The following CCDC144A variants were observed in gnomAD, a reference collection of about 807,000 sequenced individuals.
CCDC144A encodes coiled-coil domain containing 144A.
Under a neutral mutation model 143.8 loss-of-function variants are expected in CCDC144A, and 41 were observed. That is an observed-to-expected ratio of 0.29 (90% CI 0.22 to 0.37). The LOEUF (loss-of-function observed/expected upper bound fraction) is 0.37. Among genes scored for constraint, CCDC144A ranks in the 10% least tolerant of loss-of-function variants. The pLI is 1.00. For missense variants in CCDC144A, 637 were observed against 1,488.8 expected (o/e 0.43, Z 9.41); for synonymous variants, 242 against 517.9 (o/e 0.47, Z 7.23).
At position 16,717,353 on chromosome 17, in the gene CCDC144A, G is replaced by A. The variant is rs190478179; in HGVS notation, c.1716-2845G>A. Among the ~76,000 whole-genome samples the A allele has an allele frequency of 7.8e-4, 119 of 151,808 alleles. 1 individual carries two copies. The South Asian group carries it at 1.0e-2, about 13-fold the overall frequency. ...TCTCGATCTATTGACCTCATGATCC[G>A]CCCGCCTCAGCCTCCCAAAGTGCTG... On this transcript the variant is annotated intron_variant, in intron 6 of 16. Transcript: ENST00000399273.
chr17:16,702,940 T>G (rs897571483), intron 2 of CCDC144A, among the ~76,000 whole-genome samples: 1 of 152,108 alleles, frequency 6.6e-6, no homozygotes. Context: ...TATTTCATCA[T>G]AGTGTGGCTA....
chr17:16,760,040 G>C (rs1227449919), intron 12 of CCDC144A, among the ~76,000 whole-genome samples: 1 of 152,308 alleles, frequency 6.6e-6, no homozygotes. Flanking sequence ...AAGTCAGCTC[G>C]AACACCTACC....
At position 16,701,757 on chromosome 17, in the gene CCDC144A, G is replaced by A. The variant is rs147069069; in HGVS notation, c.416-3394G>A. On this transcript the variant is annotated intron_variant, in intron 2 of 16. Transcript: ENST00000399273. ...ATATGATTTGACGTGCTGAGAAAGCGTGATCTCTGTAGACGTTTGCCACGT... is the reference window on the plus strand; with the variant it reads ...ATATGATTTGACGTGCTGAGAAAGCATGATCTCTGTAGACGTTTGCCACGT... Among the ~76,000 whole-genome samples the A allele has an allele frequency of 3.3e-3, 495 of 151,952 alleles. 5 individuals carry two copies. The highest frequency in any genetic ancestry group is 0.011 in the African/African-American group (459 of 41,512).
Position 16,711,802 on chromosome 17 carries a change from G to A in CCDC144A, c.1702G>A (p.Gly568Arg). 4 of 1,589,140 alleles carry A rather than the reference G, an allele frequency of 2.5e-6. No homozygotes were observed. The highest frequency in any genetic ancestry group is 3.4e-6 in the Non-Finnish European group (4 of 1,167,654). ...TCAGCAGATTCCTAGGAAGGAAAAT[G>A]GAGAGCATGACAGGTAAGCCTATAG... ...LNQQIPRKEN[G>R]EHDRPADKTS... Residue 568 changes from glycine (G) to arginine (R), a missense_variant, in exon 6 of 17, where the codon GGA (glycine) becomes AGA (arginine). By Grantham distance (125) the Gly-to-Arg change is moderately radical (BLOSUM62 -2). Transcript: ENST00000399273.
At position 16,692,401 on chromosome 17, in the gene CCDC144A, A is replaced by AT. The variant is rs535769617; in HGVS notation, c.345-576dup. On this transcript the variant is annotated intron_variant, in intron 1 of 16. Transcript: ENST00000399273. ...CTATGAACTAGCTGTGATGCCCCAA[A>AT]TTATAAGCCACAAAGAATAGAACTA... 3.4e-4 allele frequency among the ~76,000 whole-genome samples: 48 copies of AT among 141,526 alleles called. No homozygotes were observed. In the East Asian group the frequency reaches 9.4e-3, roughly 28 times the overall value. 92.8% of individuals were successfully genotyped at this position (141,526 alleles called of 152,430 possible).
intron 2 of CCDC144A, among the ~76,000 whole-genome samples, chr17:16,698,919 G>C (rs1911566349): frequency 6.6e-6 from 1 of 152,228 alleles, no homozygotes; most frequent in Non-Finnish European, 1.5e-5. Flanking sequence ...GCAGTTCTCA[G>C]TACTTGGGGT....
chr17:16,734,619 T>C, intron 11 of CCDC144A, 71 bp from the exon 12 acceptor site: 1 of 1,408,404 alleles, frequency 7.1e-7, no homozygotes, highest in Non-Finnish European at 9.4e-7. Context: ...TTGTATACAT[T>C]ATTTAATTTC....
intron 1 of CCDC144A, 150 bp downstream of exon 1, chr17:16,690,894 C>A: frequency 1.5e-6 from 1 of 655,706 alleles, no homozygotes; most frequent in South Asian, 2.2e-5. Flanking sequence ...AGGATTATTA[C>A]TATTGCAAAA....
intron 2 of CCDC144A, among the ~76,000 whole-genome samples, chr17:16,698,247 A>G (rs1911532123): frequency 6.6e-6 from 1 of 152,222 alleles, no homozygotes; most frequent in Non-Finnish European, 1.5e-5. Flanking sequence ...GCTAAAGAAA[A>G]AGAGGAGAGG....
chr17:16,739,145 A>G (rs1172392208), intron 12 of CCDC144A, among the ~76,000 whole-genome samples: 1 of 137,360 alleles, frequency 7.3e-6, no homozygotes, highest in African/African-American at 2.9e-5. Flanking sequence ...GGGTTGTCCT[A>G]AATTTCTGAA....
chr17:16,669,917 C>T, the CCDC144A span, among the ~76,000 whole-genome samples: 8 of 152,206 alleles, frequency 5.3e-5, no homozygotes, highest in Admixed American at 2.0e-4. Flanking sequence ...AGGCCAGGCC[C>T]GGTGGCTATA....
At chr17:16,687,459 T>G (rs145206573), upstream of CCDC144A, among the ~76,000 whole-genome samples, 1 of 152,156 alleles carries the variant, frequency 6.6e-6, no homozygotes, top group Non-Finnish European at 1.5e-5. Context: ...CATTCATTTG[T>G]TTTTTTACAG....
At position 16,777,692 on chromosome 17, in the gene CCDC144A, A is replaced by C. The variant is rs2143434046; in HGVS notation, c.*4059A>C. 7.3e-6 allele frequency: 1 copy of C among 137,730 alleles called. No individual in the cohort carries two copies. Among genetic ancestry groups the C allele is most frequent in the East Asian group, 2.2e-4 (1 of 4,620 alleles). 8.5% of individuals were successfully genotyped at this position (137,730 alleles called of 1,614,324 possible). A position where few individuals can be genotyped will look rare whatever the true frequency, so the allele number is the denominator to read the frequency against. On this transcript the variant is annotated 3_prime_UTR_variant, in exon 17 of 17. Transcript: ENST00000399273. Reference sequence around the variant, plus strand: ...ATAATAGTGACACAACCTATCAAAAACTCTGGGATACAGCAAAAGTGGAGC... The same window carrying C: ...ATAATAGTGACACAACCTATCAAAACCTCTGGGATACAGCAAAAGTGGAGC...
the CCDC144A span, among the ~76,000 whole-genome samples, chr17:16,676,452 A>G: frequency 2.0e-5 from 3 of 150,502 alleles, no homozygotes; most frequent in African/African-American, 7.3e-5. Flanking sequence ...CAGAGCTTGC[A>G]GTGGGCAGAG....
At chr17:16,684,791 C>T (rs1597517270), upstream of CCDC144A, among the ~76,000 whole-genome samples, 1 of 152,156 alleles carries the variant, frequency 6.6e-6, no homozygotes, top group East Asian at 1.9e-4. Flanking sequence ...TGGTGAGACT[C>T]TGTTTCTAGA....
the CCDC144A span, among the ~76,000 whole-genome samples, chr17:16,679,851 T>G: frequency 1.3e-5 from 2 of 152,016 alleles, no homozygotes; most frequent in African/African-American, 4.8e-5. Context: ...GCATTATTTT[T>G]CTTAAATTAT....
rs528599768 is a variant in CCDC144A at position 16,753,511 on chromosome 17, T to A, written c.3373-7914T>A. ...AACTTTATTCTGAGCCATTTTATTATTTTGTAGCTAGAATAGTGGGACGGC... is the reference window on the plus strand; with the variant it reads ...AACTTTATTCTGAGCCATTTTATTAATTTGTAGCTAGAATAGTGGGACGGC... On this transcript the variant is annotated intron_variant, in intron 12 of 16. Coordinates refer to ENST00000399273, the MANE Select transcript of CCDC144A (RefSeq NM_001382000.1). Among the ~76,000 whole-genome samples the A allele has an allele frequency of 3.0e-4, 46 of 150,860 alleles. 3 individuals carry two copies. The East Asian group carries it at 9.1e-3, about 30-fold the overall frequency.
At chr17:16,748,116 C>T (rs1349212828) in intron 12 of CCDC144A, among the ~76,000 whole-genome samples, 2 of 152,190 alleles carry the variant, frequency 1.3e-5, no homozygotes. Flanking sequence ...CTCCTGGCCT[C>T]AAGTGATTCT....
rs866967880 is a variant in CCDC144A at position 16,739,748 on chromosome 17, A to C, written c.3372+4105A>C. On this transcript the variant is annotated intron_variant, in intron 12 of 16. Coordinates refer to ENST00000399273, the MANE Select transcript of CCDC144A (RefSeq NM_001382000.1). ...TGTGTTTGTTTTTGGATTCTCAGTT[A>C]TAATATATTGAGCTATGTCTATCCT... 5.7e-3 allele frequency among the ~76,000 whole-genome samples: 873 copies of C among 152,086 alleles called. 2 individuals carry two copies. Among genetic ancestry groups the C allele is most frequent in the Middle Eastern group, 0.017 (5 of 294 alleles).
Sources: gnomAD v4.1 joint callset for allele counts (sites outside exome capture counted in the v4.1 genomes callset) on GRCh38, gnomAD v4.1.1 for gene constraint, MANE v1.5 for transcripts, NCBI Gene and HGNC (gene_info 2026-07-23, HGNC 2026-07-21) for gene names.